RADIL: variants seen among roughly 807,000 people sequenced by gnomAD.
RADIL encodes Rap associating with DIL domain.
Under a neutral mutation model 97.6 loss-of-function variants are expected in RADIL, and 99 were observed. The ratio of observed to expected loss-of-function variants is 1.01; its 90% CI spans 0.86 to 1.20. The LOEUF is 1.20. Among genes scored for constraint, RADIL ranks in the 50% most tolerant of loss-of-function variants. The probability of loss-of-function intolerance (pLI) is 0.00; values close to 1 mark genes in which losing one functional copy is unlikely to be tolerated. For missense variants in RADIL, 1,765 were observed against 1,498.9 expected, an observed-to-expected ratio of 1.18 and a Z score of -2.93; for synonymous variants, 803 against 691.8, an observed-to-expected ratio of 1.16 and a Z score of -2.52.
chr7:4,820,448 T>A (rs1782799530), intron 6 of RADIL, among the ~76,000 whole-genome samples: 1 of 150,124 alleles, frequency 6.7e-6, no homozygotes, highest in African/African-American at 2.4e-5. Context: ...CCAGGCCCCA[T>A]GGACAGGCAG....
Position 4,798,951 on chromosome 7 carries a change from G to A in RADIL, c.*427C>T, listed in dbSNP as rs73307315. On this transcript the variant is annotated 3_prime_UTR_variant, in exon 15 of 15. Transcript: ENST00000399583. ...GCAGTGCCCTGTGTCTGGGTGGGAC[G>A]GGGGCAGGGAGAGTCAGTTCAGATG... 0.023 allele frequency: 4,282 copies of A among 189,214 alleles called. 191 individuals are homozygous for A. The highest frequency in any genetic ancestry group is 0.094 in the African/African-American group (3,955 of 42,214). 11.7% of individuals were successfully genotyped at this position (189,214 alleles called of 1,614,324 possible).
intron 2 of RADIL, among the ~76,000 whole-genome samples, chr7:4,871,075 T>C (rs1303176780): frequency 6.6e-6 from 1 of 152,210 alleles, no homozygotes; most frequent in Non-Finnish European, 1.5e-5. Flanking sequence ...TTCAATAACT[T>C]TTCTAGTTTT....
In RADIL at chr7:4,868,368, T is replaced by C. The variant is rs144898521; in HGVS notation, c.535+9237A>G. Among the ~76,000 whole-genome samples, 279 of 152,322 alleles carry C rather than the reference T, an allele frequency of 1.8e-3. 2 individuals carry two copies. The highest frequency in any genetic ancestry group is 6.3e-3 in the African/African-American group (262 of 41,560). The stretch of plus-strand genomic sequence containing the variant: ...TGAGCCACCTTGCCCGGCCATGAAC[T>C]GTTGTTTTTTAAATAACATATATGT... On this transcript the variant is annotated intron_variant, in intron 2 of 14. Coordinates refer to ENST00000399583, the MANE Select transcript of RADIL (RefSeq NM_018059.5).
chr7:4,861,061 C>G (rs1783978373), intron 2 of RADIL: 1 of 1,614,178 alleles, frequency 6.2e-7, no homozygotes, highest in Non-Finnish European at 8.5e-7. Context: ...CTAGCATGGC[C>G]CAGGAAACAC....
intron 2 of RADIL, among the ~76,000 whole-genome samples, chr7:4,866,190 G>A (rs1401152316): frequency 6.6e-6 from 1 of 152,138 alleles, no homozygotes; most frequent in African/African-American, 2.4e-5. Flanking sequence ...CTGTTACCCA[G>A]GCTGGAGTGC....
At chr7:4,806,669 C>G (rs1010942946) in intron 9 of RADIL, among the ~76,000 whole-genome samples, 2 of 152,206 alleles carry the variant, frequency 1.3e-5, no homozygotes, top group Non-Finnish European at 2.9e-5. Flanking sequence ...TCTGGTTTGT[C>G]CTGTTTCTAT....
Position 4,878,898 on chromosome 7 carries a change from C to A in RADIL, c.-64-695G>T, listed in dbSNP as rs79439502. ...TCCGTAAACCTCGTGTCTCCTACCC[C>A]ACAGGCTGCGACGTGGGAAATGGGT... On this transcript the variant is annotated intron_variant, in intron 1 of 14. Transcript: ENST00000399583. This position sits in a 1 kb window ranked among gnomAD's most constrained non-coding sequence, Gnocchi z 4.1. 6.6e-6 allele frequency among the ~76,000 whole-genome samples: 1 copy of A among 152,246 alleles called. No homozygotes were observed. Among genetic ancestry groups the A allele is most frequent in the Non-Finnish European group, 1.5e-5 (1 of 68,042 alleles).
At chr7:4,871,782 A>C (rs1037010603) in intron 2 of RADIL, among the ~76,000 whole-genome samples, 2 of 152,144 alleles carry the variant, frequency 1.3e-5, no homozygotes, top group African/African-American at 4.8e-5. Context: ...CAACCCTTCC[A>C]CAGGTATTTA....
intron 2 of RADIL, among the ~76,000 whole-genome samples, chr7:4,841,362 C>T (rs1583299174): frequency 1.3e-5 from 2 of 152,342 alleles, no homozygotes; most frequent in East Asian, 1.9e-4. Context: ...GTTTCTAGAA[C>T]AGCAGCCAGG....
chr7:4,882,972 G>A (rs1784515660), intron 1 of RADIL, among the ~76,000 whole-genome samples: 1 of 152,204 alleles, frequency 6.6e-6, no homozygotes, highest in Non-Finnish European at 1.5e-5. Flanking sequence ...GGCTCCTCCT[G>A]CGAGGCCCCA....
intron 2 of RADIL, among the ~76,000 whole-genome samples, chr7:4,874,498 C>G (rs745808961): frequency 6.6e-6 from 1 of 152,222 alleles, no homozygotes; most frequent in Non-Finnish European, 1.5e-5. Flanking sequence ...CCTCAGTGAA[C>G]CTTCTTGGCA....
At chr7:4,861,415 G>A (rs1452529280) in intron 2 of RADIL, 6 of 1,614,132 alleles carry the variant, frequency 3.7e-6, no homozygotes, top group Middle Eastern at 1.6e-4. Flanking sequence ...CATAGAATGA[G>A]GTGAAAAAGT....
At position 4,867,002 on chromosome 7, in the gene RADIL, TC is replaced by T. The variant is rs1408349141; in HGVS notation, c.535+10602del. On this transcript the variant is annotated intron_variant, in intron 2 of 14. Transcript: ENST00000399583. This position sits in a 1 kb window ranked among gnomAD's most constrained non-coding sequence, Gnocchi z 4.1. ...GTTTCCCTCTTTGCACCTGTCTGCT[TC>T]CCCTTTGACCTTTTCTGCCATGTGA... is the stretch of plus-strand genomic sequence containing the variant. 6.6e-6 allele frequency among the ~76,000 whole-genome samples: 1 copy of T among 152,094 alleles called. No individual in the cohort carries two copies. The highest frequency in any genetic ancestry group is 1.5e-5 in the Non-Finnish European group (1 of 68,008).
In RADIL at chr7:4,872,060, G is replaced by C. The variant is rs1784268862; in HGVS notation, c.535+5545C>G. Among the ~76,000 whole-genome samples, 1 of 152,170 alleles carries C rather than the reference G, an allele frequency of 6.6e-6. No individual in the cohort carries two copies. Among genetic ancestry groups the C allele is most frequent in the Non-Finnish European group, 1.5e-5 (1 of 68,032 alleles). On this transcript the variant is annotated intron_variant, in intron 2 of 14. Transcript: ENST00000399583. This position sits in a 1 kb window ranked among gnomAD's most constrained non-coding sequence, Gnocchi z 5.8. ...TTTGCCAGGCACCCAGCCCCTCCGA[G>C]AGTGGCCCAGGAGAAACAAATGTCG...
At position 4,800,277 on chromosome 7, in the gene RADIL, G is replaced by A. The variant is rs1212299852; in HGVS notation, c.2876C>T (p.Pro959Leu). The change falls in exon 13 of 15, where the codon CCA becomes CTA. Residue 959 changes from proline (P) to leucine (L), a missense_variant. Transcript: ENST00000399583. ...DSAALAEESP[P>L]APSSRSSSTE... ...GCTGGAGCTGCGGCTGGACGGGGCT[G>A]GAGGGGACTCCTCCGCAAGGGCTGC... The A allele has an allele frequency of 3.3e-6, 5 of 1,521,900 alleles. No homozygotes were observed. The highest frequency in any genetic ancestry group is 4.4e-6 in the Non-Finnish European group (5 of 1,137,322). 94.3% of individuals were successfully genotyped at this position (1,521,900 alleles called of 1,614,324 possible). A position where few individuals can be genotyped will look rare whatever the true frequency, so the allele number is the denominator to read the frequency against.
rs535289155 is a variant in RADIL, at chr7:4,873,211, G to A, written c.535+4394C>T. On this transcript the variant is annotated intron_variant, in intron 2 of 14. Transcript: ENST00000399583. The surrounding 1 kb of genome is among the most constrained non-coding windows in gnomAD (Gnocchi z 4.3). ...GCCTCCCAAAGTGCTGGGATTACAC[G>A]CGTGAGCCACCGCGCCCGGCCAAGT... is the stretch of plus-strand genomic sequence containing the variant. 5.9e-5 allele frequency among the ~76,000 whole-genome samples: 9 copies of A among 152,246 alleles called. No individual in the cohort carries two copies. Among genetic ancestry groups the A allele is most frequent in the Admixed American group, 2.0e-4 (3 of 15,286 alleles).
At chr7:4,802,276 C>T (rs1222090281) in intron 11 of RADIL, among the ~76,000 whole-genome samples, 3 of 150,036 alleles carry the variant, frequency 2.0e-5, no homozygotes, top group Non-Finnish European at 2.9e-5. Flanking sequence ...CCGGGCACCT[C>T]GGGGCACGCT....
At chr7:4,807,610 T>C (rs1479523006) in intron 9 of RADIL, among the ~76,000 whole-genome samples, 1 of 64,176 alleles carries the variant, frequency 1.6e-5, no homozygotes, top group Non-Finnish European at 3.0e-5. Flanking sequence ...TCCCTCTCCT[T>C]CTCTCTCCCC....
intron 2 of RADIL, chr7:4,860,847 G>A: frequency 6.2e-7 from 1 of 1,614,066 alleles, no homozygotes; most frequent in Non-Finnish European, 8.5e-7. Flanking sequence ...TTCTGCTGTG[G>A]GTATGCTGGT....
Sources: allele counts gnomAD v4.1 joint callset (sites outside exome capture counted in the v4.1 genomes callset), GRCh38; gene constraint gnomAD v4.1.1; non-coding constraint Gnocchi (gnomAD v3.1); transcripts MANE v1.5; gene names NCBI Gene and HGNC (gene_info 2026-07-23, HGNC 2026-07-21).